SPAG5: variants seen among roughly 807,000 people sequenced by gnomAD.
SPAG5 encodes the protein sperm-associated antigen 5.
Under a neutral mutation model 145.4 loss-of-function variants are expected in SPAG5, and 99 were observed. The observed-to-expected ratio is 0.68, with a 90% CI of 0.58 to 0.80. The LOEUF (loss-of-function observed/expected upper bound fraction) is 0.80, where lower values mean the gene tolerates loss of function less well. SPAG5 is among the 30% of genes least tolerant of loss of function. The probability of loss-of-function intolerance (pLI) is 0.00; values close to 1 mark genes in which losing one functional copy is unlikely to be tolerated. For synonymous variants in SPAG5, 477 were observed against 525.4 expected (o/e 0.91, Z 1.26); for missense variants, 1,192 against 1,416.0 (o/e 0.84, Z 2.54).
intron 7 of SPAG5, 73 bp downstream of exon 7, chr17:28,585,791 G>C: frequency 6.2e-7 from 1 of 1,611,158 alleles, no homozygotes; most frequent in Non-Finnish European, 8.5e-7. Flanking sequence ...TGTGTCTAAA[G>C]TGCATTTGTG....
Position 28,585,933 on chromosome 17 carries a change from G to C in SPAG5, c.1671C>G (p.Leu557=), listed in dbSNP as rs545331825. 3.7e-6 allele frequency: 6 copies of C among 1,613,982 alleles called. No homozygotes were observed. Among genetic ancestry groups the C allele is most frequent in the South Asian group, 1.1e-5 (1 of 91,066 alleles). ...CCTCCCTTTCTGCTTTGAGGCTCTG[G>C]AGCTTTGCCCTCAATTTCTTCAGCA... ...FDLLKKLRAK[L]QSLKAEREEA... The change falls in exon 7 of 24, where the codon CTC becomes CTG. Residue 557 remains leucine (L), a synonymous_variant. Coordinates refer to ENST00000321765, the MANE Select transcript of SPAG5 (RefSeq NM_006461.4).
At chr17:28,590,812 T>G (rs1024524193) in intron 4 of SPAG5, among the ~76,000 whole-genome samples, 1 of 133,174 alleles carries the variant, frequency 7.5e-6, no homozygotes, top group Non-Finnish European at 1.5e-5. Flanking sequence ...GAGGTTGCAG[T>G]GAGCCGAGAC....
In SPAG5 at chr17:28,579,215, G is replaced by A; in HGVS notation, c.3043C>T (p.Gln1015Ter). ...TTTGCCTTCTGGACTTCCTGATGCT[G>A]TTCTTCCTGGGCCTGCAGCCTAGCT... Reference protein sequence around the residue: ...LQARLQAQEEQHQEVQKAKEA... With the variant: ...LQARLQAQEE The change falls in exon 19 of 24, where the codon CAG (glutamine) becomes TAG (stop). Residue 1015 changes from glutamine to a stop codon, truncating the protein, a stop_gained. Transcript: ENST00000321765. LOFTEE classifies it high-confidence loss of function. 6.2e-7 allele frequency: 1 copy of A among 1,614,214 alleles called. No homozygotes were observed. The highest frequency in any genetic ancestry group is 8.5e-7 in the Non-Finnish European group (1 of 1,180,040).
chr17:28,591,555 G>T, intron 4 of SPAG5, 143 bp downstream of exon 4: 1 of 796,054 alleles, frequency 1.3e-6, no homozygotes, highest in East Asian at 2.6e-5. Flanking sequence ...ATCAGCCATT[G>T]TGACTGCCCA....
chr17:28,588,447 T>C (rs1258794387), intron 4 of SPAG5, among the ~76,000 whole-genome samples: 3 of 152,106 alleles, frequency 2.0e-5, no homozygotes, highest in African/African-American at 2.4e-5. Context: ...AGGAGGGAAA[T>C]TGAACAGCTG....
chr17:28,590,586 A>T (rs1299414738), intron 4 of SPAG5, among the ~76,000 whole-genome samples: 1 of 151,902 alleles, frequency 6.6e-6, no homozygotes, highest in African/African-American at 2.4e-5. Context: ...CATAAACAAC[A>T]GGGGCCAGGC....
Position 28,578,162 on chromosome 17 carries a change from G to A in SPAG5, c.3429+56C>T, listed in dbSNP as rs11870715. ...CTTGGTAGGACAGGGGAAACATGGC[G>A]GGGCATTTGTTAACGATGGTAGGAA... On this transcript the variant is annotated intron_variant, in intron 22 of 23. Transcript: ENST00000321765. 1,570 of 1,607,688 alleles carry A rather than the reference G, an allele frequency of 9.8e-4. 10 individuals are homozygous for A. In the African/African-American group the frequency reaches 0.019, roughly 20 times the overall value.
chr17:28,588,172 T>C (rs1041889582), intron 4 of SPAG5, among the ~76,000 whole-genome samples: 5 of 152,192 alleles, frequency 3.3e-5, no homozygotes, highest in African/African-American at 7.2e-5. Context: ...AGGCACAGAG[T>C]AGCACATGAG....
Position 28,584,395 on chromosome 17 carries a change from G to A in SPAG5, c.2247C>T (p.Asp749=). ...AGAGTAACTCATCCTTCATAGCCAG[G>A]TCCTGGGCACAATGGGTATGCTGAC... ...LQSQHTHCAQ[D]LAMKDELLCQ... The change falls in exon 12 of 24, where the codon GAC becomes GAT. Residue 749 remains aspartate (D), a synonymous_variant. Transcript: ENST00000321765. 1 of 1,614,122 alleles carries A rather than the reference G, an allele frequency of 6.2e-7. No individual in the cohort carries two copies. The highest frequency in any genetic ancestry group is 8.5e-7 in the Non-Finnish European group (1 of 1,180,024).
intron 19 of SPAG5, 96 bp downstream of exon 19, chr17:28,579,045 C>A (rs1181061578): frequency 1.9e-6 from 2 of 1,073,328 alleles, no homozygotes; most frequent in East Asian, 4.8e-5. Context: ...GTTGGAAAAT[C>A]CCCACCACCC....
In SPAG5 at chr17:28,598,984, A is replaced by G. The variant is rs576368126; in HGVS notation, c.-38T>C. Reference sequence around the variant, plus strand: ...GGCAGGCCTATCACGTCTCAGACCAAGTCGAGGACGCCATGTTCACCCGCC... The same window carrying G: ...GGCAGGCCTATCACGTCTCAGACCAGGTCGAGGACGCCATGTTCACCCGCC... On this transcript the variant is annotated 5_prime_UTR_variant, in exon 1 of 24. Transcript: ENST00000321765. 11 of 1,602,838 alleles carry G rather than the reference A, an allele frequency of 6.9e-6. No homozygotes were observed. In the Admixed American group the frequency reaches 1.7e-4, roughly 24 times the overall value.
At chr17:28,595,454 AT>A (rs2098147567) in intron 2 of SPAG5, among the ~76,000 whole-genome samples, 1 of 152,112 alleles carries the variant, frequency 6.6e-6, no homozygotes, top group Non-Finnish European at 1.5e-5. Flanking sequence ...ATAATCAAAA[AT>A]TTACAAAACA....
rs145711753 is a variant in SPAG5, at chr17:28,585,162, G to A, written c.2007C>T (p.Leu669=). ...LSRSRQLTEK[L]TVKSQQALQE... ...GCAGGGCTTGCTGGCTCTTGACTGT[G>A]AGTTTCTCTGTGAGTTGTCGGGACC... Residue 669 remains leucine, a synonymous_variant, in exon 10 of 24, where the codon CTC becomes CTT. Transcript: ENST00000321765. 7 of 1,614,094 alleles carry A rather than the reference G, an allele frequency of 4.3e-6. No individual in the cohort carries two copies. The highest frequency in any genetic ancestry group is 5.9e-6 in the Non-Finnish European group (7 of 1,180,052).
chr17:28,579,626 A>G, intron 17 of SPAG5, 125 bp downstream of exon 17: 1 of 1,393,954 alleles, frequency 7.2e-7, no homozygotes, highest in Non-Finnish European at 1.0e-6. Context: ...CCCAGAAGGC[A>G]GAAATAAAAT....
intron 4 of SPAG5, among the ~76,000 whole-genome samples, chr17:28,589,159 C>T (rs544721867): frequency 1.3e-5 from 2 of 150,042 alleles, no homozygotes; most frequent in East Asian, 2.0e-4. Flanking sequence ...AGTGCAGTGG[C>T]GCGATCTTGG....
chr17:28,582,024 T>G (rs117755082), intron 15 of SPAG5, among the ~76,000 whole-genome samples: 1 of 152,194 alleles, frequency 6.6e-6, no homozygotes, highest in African/African-American at 2.4e-5. Flanking sequence ...TTACATCAAA[T>G]TGGTTCTACT....
chr17:28,591,055 C>A (rs932128115), intron 4 of SPAG5, among the ~76,000 whole-genome samples: 3 of 151,788 alleles, frequency 2.0e-5, no homozygotes, highest in African/African-American at 7.3e-5. Flanking sequence ...AACTCTGTAA[C>A]CACAAAAATT....
At chr17:28,581,105 G>A (rs1240547367) in intron 15 of SPAG5, among the ~76,000 whole-genome samples, 2 of 152,202 alleles carry the variant, frequency 1.3e-5, no homozygotes, top group African/African-American at 4.8e-5. Context: ...AATCTAGCCT[G>A]CCAACTATTT....
chr17:28,586,250 A>C (rs1212579185), intron 5 of SPAG5, 68 bp from the exon 6 acceptor site: 11 of 1,393,604 alleles, frequency 7.9e-6, no homozygotes, highest in Admixed American at 6.9e-5. Context: ...GGCACTGGGG[A>C]GGAAAACCGC....
Sources: allele counts gnomAD v4.1 joint callset (sites outside exome capture counted in the v4.1 genomes callset), GRCh38; gene constraint gnomAD v4.1.1; transcripts MANE v1.5; gene names NCBI Gene and HGNC (gene_info 2026-07-23, HGNC 2026-07-21).